Variants in EHD4 observed in about 807,000 individuals in gnomAD.
EHD4 encodes EH domain containing 4.
A neutral mutation model predicts 51.0 loss-of-function variants in EHD4; 37 were observed. The ratio of observed to expected loss-of-function variants is 0.73; its 90% CI spans 0.56 to 0.95. The LOEUF (loss-of-function observed/expected upper bound fraction) is 0.95. EHD4 is among the 40% of genes least tolerant of loss of function. EHD4 has a pLI of 0.00. For missense variants in EHD4, 632 were observed against 733.1 expected (o/e 0.86, Z 1.59); for synonymous variants, 297 against 317.3 (o/e 0.94, Z 0.68).
chr15:41,944,639 C>T (rs1031188625), intron 2 of EHD4, among the ~76,000 whole-genome samples: 3 of 152,078 alleles, frequency 2.0e-5, no homozygotes, highest in Non-Finnish European at 2.9e-5. Context: ...TTCAAATCGG[C>T]CCAGGAAGAT....
chr15:41,963,160 G>GGCC (rs2067937261), intron 1 of EHD4, among the ~76,000 whole-genome samples: 1 of 152,114 alleles, frequency 6.6e-6, no homozygotes, highest in Admixed American at 6.5e-5. Flanking sequence ...CACTGCGGAA[G>GGCC]GCCGCAGGGT....
At chr15:41,945,985 C>T (rs2067811469) in intron 2 of EHD4, among the ~76,000 whole-genome samples, 1 of 152,338 alleles carries the variant, frequency 6.6e-6, no homozygotes, top group Middle Eastern at 3.4e-3. Context: ...CACAGCCCTA[C>T]CTGTAAGGTT....
intron 1 of EHD4, among the ~76,000 whole-genome samples, chr15:41,960,965 G>A (rs924533680): frequency 2.6e-5 from 4 of 152,112 alleles, no homozygotes; most frequent in African/African-American, 7.2e-5. Flanking sequence ...GAGCCACCGC[G>A]CCAGCCTCAC....
At chr15:41,940,657 T>C (rs1334277299) in intron 3 of EHD4, among the ~76,000 whole-genome samples, 1 of 152,218 alleles carries the variant, frequency 6.6e-6, no homozygotes, top group Non-Finnish European at 1.5e-5. Context: ...ATATATGCTA[T>C]TTCTGTGCAT....
At position 41,966,572 on chromosome 15, in the gene EHD4, T is replaced by C. The variant is rs190765419; in HGVS notation, c.236+5687A>G. ...CCAATGAGACTCAAGCCTGAGACTT[T>C]TACTGGGGCTGCTGAGCCAGCAGAA... On this transcript the variant is annotated intron_variant, in intron 1 of 5. Transcript: ENST00000220325. Among the ~76,000 whole-genome samples, 338 of 152,064 alleles carry C rather than the reference T, an allele frequency of 2.2e-3. 1 individual carries two copies. Among genetic ancestry groups the C allele is most frequent in the Middle Eastern group, 3.4e-3 (1 of 294 alleles).
At chr15:41,932,849 G>A (rs946429821) in intron 3 of EHD4, among the ~76,000 whole-genome samples, 24 of 152,142 alleles carry the variant, frequency 1.6e-4, no homozygotes, top group African/African-American at 5.3e-4. Flanking sequence ...CCCAGGACTC[G>A]GCCATCCTCT....
chr15:41,939,993 T>A (rs983574789), intron 3 of EHD4, among the ~76,000 whole-genome samples: 4 of 151,938 alleles, frequency 2.6e-5, no homozygotes, highest in South Asian at 2.1e-4. Context: ...TTTTTTTTTT[T>A]AAATAAATAG....
At chr15:41,949,485 G>A (rs954018666) in intron 2 of EHD4, among the ~76,000 whole-genome samples, 2 of 152,082 alleles carry the variant, frequency 1.3e-5, no homozygotes, top group Non-Finnish European at 2.9e-5. Flanking sequence ...ATACACCTGC[G>A]TATTTTATGA....
intron 5 of EHD4, among the ~76,000 whole-genome samples, chr15:41,906,063 G>C (rs1178474893): frequency 1.3e-5 from 2 of 152,192 alleles, no homozygotes; most frequent in Non-Finnish European, 2.9e-5. Context: ...AGATAGGGGT[G>C]GGTCTCCAGT....
intron 3 of EHD4, among the ~76,000 whole-genome samples, chr15:41,936,843 C>G (rs16972296): frequency 6.6e-6 from 1 of 152,152 alleles, no homozygotes; most frequent in African/African-American, 2.4e-5. Context: ...AGTCTGGATG[C>G]GTTTGTCAAA....
chr15:41,921,560 G>A (rs2067625868), intron 3 of EHD4: 1 of 152,270 alleles, frequency 6.6e-6, no homozygotes, highest in African/African-American at 2.4e-5. Context: ...TTTGCTGGGT[G>A]CCGGGAAGAT....
chr15:41,940,566 T>C (rs1489945511), intron 3 of EHD4, among the ~76,000 whole-genome samples: 1 of 152,238 alleles, frequency 6.6e-6, no homozygotes, highest in Non-Finnish European at 1.5e-5. Flanking sequence ...CCCGTCGTGC[T>C]GTCATCGCTT....
chr15:41,913,581 A>T (rs919333447), intron 4 of EHD4, among the ~76,000 whole-genome samples: 1 of 152,230 alleles, frequency 6.6e-6, no homozygotes, highest in Non-Finnish European at 1.5e-5. Flanking sequence ...TATGAGAATA[A>T]AAGAGGTCAT....
chr15:41,929,304 C>T (rs1688989791), intron 3 of EHD4, among the ~76,000 whole-genome samples: 1 of 152,226 alleles, frequency 6.6e-6, no homozygotes, highest in Non-Finnish European at 1.5e-5. Flanking sequence ...TCCCTCCTTC[C>T]TCTGGGGGAT....
At chr15:41,953,176 G>A (rs1029863961) in intron 2 of EHD4, among the ~76,000 whole-genome samples, 5 of 151,952 alleles carry the variant, frequency 3.3e-5, no homozygotes, top group Non-Finnish European at 7.4e-5. Context: ...GGTAAAATCC[G>A]AGTGTCCGGT....
chr15:41,946,692 C>T (rs1047877871), intron 2 of EHD4, among the ~76,000 whole-genome samples: 1 of 152,170 alleles, frequency 6.6e-6, no homozygotes, highest in African/African-American at 2.4e-5. Flanking sequence ...TGCCAGTGCA[C>T]TACAGCCTGT....
chr15:41,940,630 C>T (rs766376824), intron 3 of EHD4, among the ~76,000 whole-genome samples: 3 of 152,126 alleles, frequency 2.0e-5, no homozygotes, highest in Non-Finnish European at 2.9e-5. Flanking sequence ...TGGCAGGGAC[C>T]GCCGACTGGC....
At chr15:41,964,415 C>T (rs1016585181) in intron 1 of EHD4, among the ~76,000 whole-genome samples, 3 of 152,012 alleles carry the variant, frequency 2.0e-5, no homozygotes, top group African/African-American at 7.3e-5. Flanking sequence ...CCAGCCTAGA[C>T]AGCACAGCGA....
At chr15:41,912,560 T>C (rs1000157414) in intron 4 of EHD4, among the ~76,000 whole-genome samples, 5 of 151,960 alleles carry the variant, frequency 3.3e-5, no homozygotes, top group Non-Finnish European at 7.4e-5. Flanking sequence ...CTGGGTGTGG[T>C]GGTGTGCTCC....
Sources: gnomAD v4.1 joint callset for allele counts (sites outside exome capture counted in the v4.1 genomes callset) on GRCh38, gnomAD v4.1.1 for gene constraint, MANE v1.5 for transcripts, NCBI Gene and HGNC (gene_info 2026-07-23, HGNC 2026-07-21) for gene names.